The following PEX5L variants were observed in gnomAD, a reference collection of about 807,000 sequenced individuals.
PEX5L encodes peroxisomal biogenesis factor 5 like.
PEX5L carries 30 observed loss-of-function variants against 84.0 expected under a neutral mutation model. That is an observed-to-expected ratio of 0.36 (90% confidence interval 0.27 to 0.48). PEX5L has a LOEUF of 0.48. Among genes scored for constraint, PEX5L ranks in the 20% least tolerant of loss-of-function variants. The pLI is 0.99. For missense variants in PEX5L, 533 were observed against 754.6 expected, an observed-to-expected ratio of 0.71 and a Z score of 3.44; for synonymous variants, 270 against 283.1, an observed-to-expected ratio of 0.95 and a Z score of 0.46.
At chr3:179,943,048 G>A (rs1264236517) in intron 2 of PEX5L, among the ~76,000 whole-genome samples, 1 of 152,190 alleles carries the variant, frequency 6.6e-6, no homozygotes, top group Non-Finnish European at 1.5e-5. Flanking sequence ...ACAATCAAAT[G>A]ACGTAACATA....
chr3:180,027,705 A>G (rs1221433716), intron 1 of PEX5L, among the ~76,000 whole-genome samples: 1 of 152,184 alleles, frequency 6.6e-6, no homozygotes, highest in African/African-American at 2.4e-5. Flanking sequence ...GTGTGTGCCA[A>G]GGGTGTCCTT....
intron 2 of PEX5L, among the ~76,000 whole-genome samples, chr3:179,911,662 AC>A (rs1765232366): frequency 1.3e-5 from 2 of 152,330 alleles, no homozygotes; most frequent in African/African-American, 4.8e-5. Flanking sequence ...ATAATGCTAC[AC>A]TATAATGAAA....
chr3:179,878,974 T>G (rs555112321), intron 5 of PEX5L, among the ~76,000 whole-genome samples: 32 of 152,376 alleles, frequency 2.1e-4, no homozygotes, highest in African/African-American at 7.7e-4. Flanking sequence ...GCTGAACAAA[T>G]GAATAAATTA....
At chr3:179,986,466 G>A (rs13060119) in intron 1 of PEX5L, among the ~76,000 whole-genome samples, 1 of 146,032 alleles carries the variant, frequency 6.8e-6, no homozygotes, top group Non-Finnish European at 1.5e-5. Flanking sequence ...GCAGTGGCGC[G>A]ATCTCGGCTC....
intron 4 of PEX5L, 60 bp downstream of exon 4, chr3:179,887,613 G>A (rs1479143169): frequency 9.6e-7 from 1 of 1,045,484 alleles, no homozygotes; most frequent in Non-Finnish European, 1.5e-6. Flanking sequence ...GAAAAAATGT[G>A]CATTTTACTA....
At chr3:179,899,072 T>G (rs1760344419) in intron 2 of PEX5L, among the ~76,000 whole-genome samples, 1 of 151,982 alleles carries the variant, frequency 6.6e-6, no homozygotes, top group Non-Finnish European at 1.5e-5. Context: ...CACATACATA[T>G]CCCTATGTTA....
intron 1 of PEX5L, among the ~76,000 whole-genome samples, chr3:180,024,543 T>TTA (rs1790762174): frequency 1.1e-5 from 1 of 94,248 alleles, no homozygotes; most frequent in African/African-American, 7.2e-5. Context: ...AGACTCCGTT[T>TTA]CAAAAAAAAA....
chr3:179,877,970 C>A (rs912045229), intron 5 of PEX5L, among the ~76,000 whole-genome samples: 2 of 151,652 alleles, frequency 1.3e-5, no homozygotes, highest in African/African-American at 4.9e-5. Flanking sequence ...ACAATCTATC[C>A]CTGGAAGAGC....
intron 8 of PEX5L, 56 bp downstream of exon 8, chr3:179,859,006 T>A: frequency 8.9e-7 from 1 of 1,123,976 alleles, no homozygotes; most frequent in Non-Finnish European, 1.4e-6. Context: ...GTTTGATTTT[T>A]CAAATGCCAC....
chr3:179,811,020 G>A (rs1289389984), intron 11 of PEX5L, among the ~76,000 whole-genome samples: 1 of 151,990 alleles, frequency 6.6e-6, no homozygotes, highest in Non-Finnish European at 1.5e-5. Flanking sequence ...GGCTCTGAAC[G>A]CAGGGCCACA....
chr3:179,874,803 T>G (rs1751784328), intron 6 of PEX5L, among the ~76,000 whole-genome samples: 1 of 137,436 alleles, frequency 7.3e-6, no homozygotes, highest in African/African-American at 2.6e-5. Context: ...TCAGGAGAGA[T>G]TTTATCTTTA....
chr3:179,990,838 T>C (rs1035311638), intron 1 of PEX5L, among the ~76,000 whole-genome samples: 6 of 152,230 alleles, frequency 3.9e-5, no homozygotes, highest in African/African-American at 1.2e-4. Flanking sequence ...AGTACTCTTA[T>C]TATTCTTATT....
intron 2 of PEX5L, among the ~76,000 whole-genome samples, chr3:179,932,620 C>G (rs1254672155): frequency 6.6e-6 from 1 of 152,036 alleles, no homozygotes; most frequent in Non-Finnish European, 1.5e-5. Flanking sequence ...TGATTTGATT[C>G]TTATTTAAAA....
chr3:179,881,133 CAAT>C (rs1754030646), intron 4 of PEX5L: 1 of 152,274 alleles, frequency 6.6e-6, no homozygotes, highest in African/African-American at 2.4e-5. Flanking sequence ...CAGTCTACAA[CAAT>C]GACTGCAGCA....
intron 2 of PEX5L, among the ~76,000 whole-genome samples, chr3:179,928,616 G>A (rs1433880104): frequency 2.6e-5 from 4 of 152,196 alleles, no homozygotes; most frequent in Non-Finnish European, 5.9e-5. Context: ...TGAATTTTAA[G>A]CATTTTCCAT....
chr3:179,847,118 AC>A (rs1739762593), intron 8 of PEX5L, among the ~76,000 whole-genome samples: 1 of 149,108 alleles, frequency 6.7e-6, no homozygotes, highest in African/African-American at 2.5e-5. Flanking sequence ...CACCCACCCC[AC>A]CCAACCAATA....
chr3:179,941,513 C>T (rs941541758), intron 2 of PEX5L, among the ~76,000 whole-genome samples: 9 of 152,152 alleles, frequency 5.9e-5, no homozygotes, highest in African/African-American at 1.7e-4. Flanking sequence ...GCATTTCCCC[C>T]ATTTCACAGA....
At position 179,971,624 on chromosome 3, in the gene PEX5L, T is replaced by G; in HGVS notation, c.63A>C (p.Glu21Asp). Residue 21 changes from glutamate (E) to aspartate (D), a missense_variant, in exon 2 of 15, where the codon GAA (glutamate) becomes GAC (aspartate). Glu to Asp is a conservative substitution (Grantham distance 45). This residue lies in a region of PEX5L where 259 missense variants were observed against 301.7 expected (regional missense o/e 0.86). Coordinates refer to ENST00000467460, the MANE Select transcript of PEX5L (RefSeq NM_016559.3). Reference protein sequence around the residue: ...EQGYGKLSSDEDLEIIVDQKQ... With the variant: ...EQGYGKLSSDDDLEIIVDQKQ... ...TTTGATCAACAATTATTTCGAGGTC[T>G]TCATCACTGCTTAGTTTTCCATATC... 1 of 1,608,760 alleles carries G rather than the reference T, an allele frequency of 6.2e-7. No homozygotes were observed. The highest frequency in any genetic ancestry group is 1.3e-5 in the African/African-American group (1 of 74,860).
chr3:179,874,313 A>G lies in PEX5L; in HGVS notation c.726+14T>C. On this transcript the variant is annotated intron_variant, in intron 7 of 14. Coordinates refer to ENST00000467460, the MANE Select transcript of PEX5L (RefSeq NM_016559.3). ...TAGGGAAAGATGTGTTCATTGAATA[A>G]TCAGTTTTGTTACCTGAGTCGGAGC... 6.8e-7 allele frequency: 1 copy of G among 1,464,122 alleles called. No individual in the cohort carries two copies. Among genetic ancestry groups the G allele is most frequent in the Non-Finnish European group, 9.6e-7 (1 of 1,044,418 alleles). 90.7% of individuals were successfully genotyped at this position (1,464,122 alleles called of 1,614,324 possible).
Sources: gnomAD v4.1 joint callset for allele counts (sites outside exome capture counted in the v4.1 genomes callset) on GRCh38, gnomAD v4.1.1 for gene constraint, gnomAD v4.1.1 regional missense constraint, MANE v1.5 for transcripts, NCBI Gene and HGNC (gene_info 2026-07-23, HGNC 2026-07-21) for gene names.